SLC25A46: variants seen among roughly 807,000 people sequenced by gnomAD.
SLC25A46 encodes mitochondrial outer membrane protein SLC25A46.
A neutral mutation model predicts 44.6 loss-of-function variants in SLC25A46; 39 were observed. The ratio of observed to expected loss-of-function variants is 0.87; its 90% confidence interval spans 0.68 to 1.14. The LOEUF is 1.14. Among genes scored for constraint, SLC25A46 ranks in the 50% most tolerant of loss-of-function variants. The pLI is 0.00. For synonymous variants in SLC25A46, 202 were observed against 185.8 expected (o/e 1.09, Z -0.71); for missense variants, 547 against 522.7 (o/e 1.05, Z -0.45).
chr5:110,762,261 G>GACTT lies in SLC25A46; in HGVS notation c.*481_*484dup, dbSNP rs1367075902. On this transcript the variant is annotated 3_prime_UTR_variant, in exon 8 of 8. Transcript: ENST00000355943. ...AATAAATTATGTCATTATTGAAAAA[G>GACTT]ACTTAAGGGATGATTAGACTTGGCA... 3.2e-5 allele frequency: 5 copies of GACTT among 154,118 alleles called. No homozygotes were observed. Among genetic ancestry groups the GACTT allele is most frequent in the East Asian group, 1.9e-4 (1 of 5,194 alleles). The allele number at this position is 154,118 out of a possible 1,614,324, so 9.5% of individuals were successfully genotyped here. A position where few individuals can be genotyped will look rare whatever the true frequency, so the allele number is the denominator to read the frequency against.
chr5:110,757,903 A>T (rs1045576059), intron 7 of SLC25A46, among the ~76,000 whole-genome samples: 4 of 152,154 alleles, frequency 2.6e-5, no homozygotes, highest in African/African-American at 9.7e-5. Context: ...TAGACCTGGG[A>T]CTTTAGACAG....
chr5:110,743,643 A>T, intron 2 of SLC25A46, 87 bp from the exon 3 acceptor site: 1 of 643,828 alleles, frequency 1.6e-6, no homozygotes, highest in Non-Finnish European at 2.5e-6. Flanking sequence ...ATGATTCTTC[A>T]GGCAAGAATA....
intron 4 of SLC25A46, among the ~76,000 whole-genome samples, chr5:110,747,808 G>C (rs1799856770): frequency 1.3e-5 from 2 of 152,124 alleles, no homozygotes; most frequent in African/African-American, 2.4e-5. Context: ...AAATACAGCA[G>C]AGAAGGAAAG....
Position 110,761,106 on chromosome 5 carries a change from C to A in SLC25A46, c.679-98C>A. On this transcript the variant is annotated intron_variant, in intron 7 of 7. Coordinates refer to ENST00000355943, the MANE Select transcript of SLC25A46 (RefSeq NM_138773.4). This position sits in a 1 kb window ranked among gnomAD's most constrained non-coding sequence, Gnocchi z 5.3. The stretch of plus-strand genomic sequence containing the variant: ...AATCATGGATGTTTCCCTCTTCAGT[C>A]ACTATGTTAGGATTTAAAAGGAACC... The A allele has an allele frequency of 1.2e-6, 1 of 867,982 alleles. No individual in the cohort carries two copies. The highest frequency in any genetic ancestry group is 1.8e-6 in the Non-Finnish European group (1 of 556,254). The allele number at this position is 867,982 out of a possible 1,614,324, so 53.8% of individuals were successfully genotyped here. A position where few individuals can be genotyped will look rare whatever the true frequency, so the allele number is the denominator to read the frequency against.
intron 6 of SLC25A46, 92 bp downstream of exon 6, chr5:110,755,613 G>A: frequency 1.3e-6 from 1 of 776,374 alleles, no homozygotes; most frequent in Non-Finnish European, 2.1e-6. Context: ...TAACTGTAGA[G>A]AAGGAAATTA....
rs1580871996 is a variant in SLC25A46, at chr5:110,762,642, C to T, written c.*860C>T. On this transcript the variant is annotated 3_prime_UTR_variant, in exon 8 of 8. Coordinates refer to ENST00000355943, the MANE Select transcript of SLC25A46 (RefSeq NM_138773.4). Reference sequence around the variant, plus strand: ...TGAATCATTGGGCTGTTTTTAGAGCCACTGTTAAGAGAGAATATAAAATAA... The same window carrying T: ...TGAATCATTGGGCTGTTTTTAGAGCTACTGTTAAGAGAGAATATAAAATAA... 1.3e-5 allele frequency: 2 copies of T among 151,712 alleles called. No homozygotes were observed. Among genetic ancestry groups the T allele is most frequent in the Admixed American group, 1.3e-4 (2 of 15,180 alleles). The allele number at this position is 151,712 out of a possible 1,614,324, so 9.4% of individuals were successfully genotyped here.
Position 110,739,428 on chromosome 5 carries a change from G to C in SLC25A46, c.283+26G>C, listed in dbSNP as rs559033284. On this transcript the variant is annotated intron_variant, in intron 1 of 7. Coordinates refer to ENST00000355943, the MANE Select transcript of SLC25A46 (RefSeq NM_138773.4). ...GTGAGAAGCATGGGGACCGACACAG[G>C]GATGAGGGGTTACTGGGGCCGCGGC... 1.4e-5 allele frequency: 21 copies of C among 1,515,760 alleles called. No homozygotes were observed. In the South Asian group the frequency reaches 2.5e-4, roughly 18 times the overall value. The allele number at this position is 1,515,760 out of a possible 1,614,324, so 93.9% of individuals were successfully genotyped here.
chr5:110,756,619 T>C (rs1800119405), intron 6 of SLC25A46, 83 bp from the exon 7 acceptor site: 3 of 862,654 alleles, frequency 3.5e-6, no homozygotes, highest in Non-Finnish European at 5.5e-6. Context: ...ATAAATTATG[T>C]TGACATATTA....
intron 5 of SLC25A46, chr5:110,754,066 A>G (rs1800040550): frequency 6.6e-6 from 1 of 152,138 alleles, no homozygotes; most frequent in Admixed American, 6.6e-5. Context: ...TAAATATCCT[A>G]ATAGTAATTT....
In SLC25A46 at chr5:110,739,108, G is replaced by A. The variant is rs1324430736; in HGVS notation, c.-12G>A. On this transcript the variant is annotated 5_prime_UTR_variant, in exon 1 of 8. Transcript: ENST00000355943. ...GCTCCGGGCGGGCTCGCGTCATCCT[G>A]CCCCCGCTGCGATGCATCCGCGGCG... 1 of 1,544,762 alleles carries A rather than the reference G, an allele frequency of 6.5e-7. No individual in the cohort carries two copies. Among genetic ancestry groups the A allele is most frequent in the Non-Finnish European group, 8.7e-7 (1 of 1,146,336 alleles).
In SLC25A46 at chr5:110,757,659, A is replaced by G. The variant is rs370450813; in HGVS notation, c.678+900A>G. Among the ~76,000 whole-genome samples the G allele has an allele frequency of 7.1e-4, 108 of 152,182 alleles. 1 individual carries two copies. In the South Asian group the frequency reaches 0.021, roughly 30 times the overall value. ...CTGAAGTTAGTGTCTTGCGACCCAA[A>G]TCATACTTTCCCTTCCCCTTGCATT... On this transcript the variant is annotated intron_variant, in intron 7 of 7. Coordinates refer to ENST00000355943, the MANE Select transcript of SLC25A46 (RefSeq NM_138773.4).
rs532345927 is a variant in SLC25A46, at chr5:110,761,398, G to A, written c.873G>A (p.Lys291=). 6.2e-7 allele frequency: 1 copy of A among 1,613,700 alleles called. No individual in the cohort carries two copies. The highest frequency in any genetic ancestry group is 8.5e-7 in the Non-Finnish European group (1 of 1,179,786). ...VIQKFVLLIL[K]RKTYNSHLAE... The stretch of plus-strand genomic sequence containing the variant: ...AGAAGTTTGTCCTACTAATTCTAAA[G>A]AGAAAGACTTACAATAGCCACCTAG... The change falls in exon 8 of 8, where the codon AAG becomes AAA. Residue 291 remains lysine, a synonymous_variant. Coordinates refer to ENST00000355943, the MANE Select transcript of SLC25A46 (RefSeq NM_138773.4). This position sits in a 1 kb window ranked among gnomAD's most constrained non-coding sequence, Gnocchi z 5.3.
At chr5:110,739,521 C>T (rs1286126407) in intron 1 of SLC25A46, 119 bp downstream of exon 1, 1 of 1,363,928 alleles carries the variant, frequency 7.3e-7, no homozygotes, top group Non-Finnish European at 9.7e-7. Flanking sequence ...TCCTATCGCG[C>T]GCCACACCCT....
At chr5:110,759,727 A>G (rs1800201232) in intron 7 of SLC25A46, among the ~76,000 whole-genome samples, 1 of 152,110 alleles carries the variant, frequency 6.6e-6, no homozygotes, top group Admixed American at 6.6e-5. Flanking sequence ...GATAGGTTTG[A>G]GCAGAGCGGT....
intron 3 of SLC25A46, among the ~76,000 whole-genome samples, chr5:110,743,998 A>G (rs1269808983): frequency 6.6e-6 from 1 of 152,202 alleles, no homozygotes; most frequent in Admixed American, 6.5e-5. Flanking sequence ...GATAGTTACC[A>G]TTTCAGAAAT....
At chr5:110,755,384 A>G in intron 5 of SLC25A46, 81 bp from the exon 6 acceptor site, 1 of 809,856 alleles carries the variant, frequency 1.2e-6, no homozygotes, top group Middle Eastern at 2.5e-4. Context: ...GAAGTTGATT[A>G]CTGTTTTGAA....
At chr5:110,753,101 A>ATTTT (rs1800009460) in intron 5 of SLC25A46, among the ~76,000 whole-genome samples, 1 of 152,160 alleles carries the variant, frequency 6.6e-6, no homozygotes, top group Admixed American at 6.6e-5. Context: ...GAGACTTAAA[A>ATTTT]ATGTCCATCA....
chr5:110,740,393 A>G (rs2150406436), intron 1 of SLC25A46, among the ~76,000 whole-genome samples: 1 of 152,316 alleles, frequency 6.6e-6, no homozygotes, highest in East Asian at 1.9e-4. Context: ...GAAGAAAGAT[A>G]GATGACTTAC....
chr5:110,762,403 C>T lies in SLC25A46; in HGVS notation c.*621C>T, dbSNP rs1453981476. The T allele has an allele frequency of 6.6e-6, 1 of 151,712 alleles. No homozygotes were observed. The highest frequency in any genetic ancestry group is 2.4e-5 in the African/African-American group (1 of 41,328). The allele number at this position is 151,712 out of a possible 1,614,324, so 9.4% of individuals were successfully genotyped here. Reference sequence around the variant, plus strand: ...TGTATACACATGTAACTTGGAATTTCCTTCATCCCTACACATTTTCTACAC... The same window carrying T: ...TGTATACACATGTAACTTGGAATTTTCTTCATCCCTACACATTTTCTACAC... On this transcript the variant is annotated 3_prime_UTR_variant, in exon 8 of 8. Coordinates refer to ENST00000355943, the MANE Select transcript of SLC25A46 (RefSeq NM_138773.4).
Sources: allele counts gnomAD v4.1 joint callset (sites outside exome capture counted in the v4.1 genomes callset), GRCh38; gene constraint gnomAD v4.1.1; non-coding constraint Gnocchi (gnomAD v3.1); transcripts MANE v1.5; gene names NCBI Gene and HGNC (gene_info 2026-07-23, HGNC 2026-07-21).